NRXN3: variants seen among roughly 807,000 people sequenced by gnomAD.
NRXN3 encodes neurexin 3, also known as neurexin III.
Under a neutral mutation model 137.6 loss-of-function variants are expected in NRXN3, and 32 were observed. That is an observed-to-expected ratio of 0.23 (90% CI 0.18 to 0.31). NRXN3 has a LOEUF of 0.31. NRXN3 is among the 10% of genes least tolerant of loss of function. The pLI is 1.00. For missense variants in NRXN3, 1,574 were observed against 2,062.5 expected (o/e 0.76, Z 4.59); for synonymous variants, 798 against 784.5 (o/e 1.02, Z -0.29).
chr14:79,679,280 G>A (rs2098657288), intron 17 of NRXN3, among the ~76,000 whole-genome samples: 1 of 151,906 alleles, frequency 6.6e-6, no homozygotes, highest in East Asian at 1.9e-4. Context: ...AAAAAGTATT[G>A]CCTTTGTGCT....
chr14:79,652,660 G>C (rs1384343722), intron 16 of NRXN3, among the ~76,000 whole-genome samples: 1 of 152,030 alleles, frequency 6.6e-6, no homozygotes, highest in African/African-American at 2.4e-5. Flanking sequence ...CTTTTCAAAA[G>C]GTATGAGTCA....
chr14:79,328,298 T>C (rs183475894), intron 15 of NRXN3, among the ~76,000 whole-genome samples: 1 of 152,190 alleles, frequency 6.6e-6, no homozygotes, highest in Non-Finnish European at 1.5e-5. Flanking sequence ...TAAAAGGCTG[T>C]TAAGGAGGAG....
chr14:78,176,968 T>G (rs979725362), intron 1 of NRXN3, among the ~76,000 whole-genome samples: 6 of 152,038 alleles, frequency 3.9e-5, no homozygotes, highest in Admixed American at 6.5e-5. Context: ...GAGTGGTGGT[T>G]AAGGTTGTCT....
At chr14:79,202,182 T>C (rs986093210) in intron 15 of NRXN3, among the ~76,000 whole-genome samples, 2 of 151,970 alleles carry the variant, frequency 1.3e-5, no homozygotes, top group South Asian at 2.1e-4. Context: ...ATGTTCTCCC[T>C]GAAGAGGTTT....
intron 2 of NRXN3, among the ~76,000 whole-genome samples, chr14:78,264,070 A>G (rs547410525): frequency 6.6e-5 from 10 of 152,252 alleles, no homozygotes; most frequent in African/African-American, 2.4e-4. Context: ...AAACGTCAGG[A>G]CCAAAATAGC....
chr14:79,467,286 A>T lies in NRXN3; in HGVS notation c.3328A>T (p.Arg1110Trp). 1 of 1,613,206 alleles carries T rather than the reference A, an allele frequency of 6.2e-7. No homozygotes were observed. The highest frequency in any genetic ancestry group is 8.5e-7 in the Non-Finnish European group (1 of 1,179,156). ...LILYTWPAND[R>W]PSTRSDRLAV... ...CCTCTACACCTGGCCAGCCAATGAC[A>T]GGCCCAGCACGCGGTCTGACCGCCT... is the stretch of plus-strand genomic sequence containing the variant. Residue 1110 changes from arginine (R) to tryptophan (W), a missense_variant, in exon 16 of 21, where the codon AGG (arginine) becomes TGG (tryptophan). Physicochemically the swap from Arg to Trp is moderately radical, Grantham distance 101. Coordinates refer to ENST00000335750, the MANE Select transcript of NRXN3 (RefSeq NM_001330195.2).
chr14:78,350,014 A>G (rs1303694366), intron 4 of NRXN3, among the ~76,000 whole-genome samples: 1 of 152,078 alleles, frequency 6.6e-6, no homozygotes, highest in East Asian at 1.9e-4. Flanking sequence ...GGGATGGGGC[A>G]TGGTGGCTCA....
At chr14:78,740,112 C>A (rs1002343664) in intron 8 of NRXN3, among the ~76,000 whole-genome samples, 1 of 152,192 alleles carries the variant, frequency 6.6e-6, no homozygotes, top group African/African-American at 2.4e-5. Context: ...AAGAAGCCCA[C>A]ATGCAGTTTC....
chr14:79,387,775 TAA>T (rs1328549711), intron 15 of NRXN3, among the ~76,000 whole-genome samples: 184 of 151,568 alleles, frequency 1.2e-3, no homozygotes, highest in African/African-American at 4.2e-3. Flanking sequence ...TATGCAGCCA[TAA>T]AAAAGGATGA....
intron 15 of NRXN3, among the ~76,000 whole-genome samples, chr14:79,094,944 G>A (rs1001735394): frequency 4.5e-4 from 54 of 120,514 alleles, no homozygotes; most frequent in Non-Finnish European, 8.4e-4. Context: ...TTCTGAGAGA[G>A]AGAAAGAGAG....
rs1259930323 is a variant in NRXN3, at chr14:78,170,600, T to C, written c.-778T>C. 6.6e-6 allele frequency: 1 copy of C among 152,180 alleles called. No individual in the cohort carries two copies. Among genetic ancestry groups the C allele is most frequent in the Non-Finnish European group, 1.5e-5 (1 of 68,062 alleles). The allele number at this position is 152,180 out of a possible 1,614,324, so 9.4% of individuals were successfully genotyped here. A position where few individuals can be genotyped will look rare whatever the true frequency, so the allele number is the denominator to read the frequency against. ...TTTGAACCTACCCAAAGAGGAAACA[T>C]ACCCAGCAAACTCAGTTGATTAAAC... On this transcript the variant is annotated 5_prime_UTR_variant, in exon 1 of 21. Transcript: ENST00000335750.
intron 4 of NRXN3, among the ~76,000 whole-genome samples, chr14:78,536,983 C>T (rs1424741363): frequency 2.6e-5 from 4 of 152,172 alleles, no homozygotes; most frequent in South Asian, 4.1e-4. Flanking sequence ...ATATGTGCCA[C>T]ATTTTCTTAA....
chr14:79,561,603 T>G (rs2097498487), intron 16 of NRXN3, among the ~76,000 whole-genome samples: 1 of 152,168 alleles, frequency 6.6e-6, no homozygotes, highest in Non-Finnish European at 1.5e-5. Flanking sequence ...TACTGTTATT[T>G]TGCTAGTAAG....
chr14:78,234,481 A>G (rs2065902137), intron 1 of NRXN3, among the ~76,000 whole-genome samples: 1 of 152,214 alleles, frequency 6.6e-6, no homozygotes, highest in African/African-American at 2.4e-5. Flanking sequence ...GCTCAAGGTC[A>G]CATAGGCATC....
intron 15 of NRXN3, among the ~76,000 whole-genome samples, chr14:79,368,109 A>G (rs950200508): frequency 6.6e-6 from 1 of 152,188 alleles, no homozygotes; most frequent in African/African-American, 2.4e-5. Context: ...TTTGTCAATA[A>G]AAGGACATAT....
chr14:78,345,247 T>C (rs1366779030), intron 4 of NRXN3, among the ~76,000 whole-genome samples: 2 of 152,280 alleles, frequency 1.3e-5, no homozygotes, highest in South Asian at 2.1e-4. Flanking sequence ...TGCCAAGTAG[T>C]TCAGCTTTTA....
At chr14:78,840,198 C>T (rs1275231628) in intron 10 of NRXN3, among the ~76,000 whole-genome samples, 1 of 152,134 alleles carries the variant, frequency 6.6e-6, no homozygotes, top group Non-Finnish European at 1.5e-5. Context: ...GTTTTATGAT[C>T]ATCACTGTCA....
rs562195628 is a variant in NRXN3 at position 78,315,365 on chromosome 14, C to T, written c.757+17505C>T. ...TAGTGTTTCTCAAATTCGTGAGAAT[C>T]ACCCAGGGAACTTGTGAAACTATAG... is the stretch of plus-strand genomic sequence containing the variant. On this transcript the variant is annotated intron_variant, in intron 4 of 20. Coordinates refer to ENST00000335750, the MANE Select transcript of NRXN3 (RefSeq NM_001330195.2). Among the ~76,000 whole-genome samples the T allele has an allele frequency of 7.2e-5, 11 of 152,266 alleles. No individual in the cohort carries two copies. In the South Asian group the frequency reaches 2.3e-3, roughly 32 times the overall value.
At chr14:79,350,440 G>A (rs892557726) in intron 15 of NRXN3, among the ~76,000 whole-genome samples, 22 of 152,142 alleles carry the variant, frequency 1.4e-4, no homozygotes, top group African/African-American at 5.3e-4. Context: ...CAATGTGAAT[G>A]CATCATAGAG....
Sources: gnomAD v4.1 joint callset for allele counts (sites outside exome capture counted in the v4.1 genomes callset) on GRCh38, gnomAD v4.1.1 for gene constraint, MANE v1.5 for transcripts, NCBI Gene and HGNC (gene_info 2026-07-23, HGNC 2026-07-21) for gene names.